The following AKAP10 variants were observed in gnomAD, a reference collection of about 807,000 sequenced individuals.
AKAP10 encodes the protein A-kinase anchor protein 10, mitochondrial.
AKAP10 carries 24 observed loss-of-function variants against 80.8 expected under a neutral mutation model. The ratio of observed to expected loss-of-function variants is 0.30; its 90% confidence interval spans 0.22 to 0.42. AKAP10 has a LOEUF of 0.42. Ranked by LOEUF, AKAP10 falls within the 10% of genes least tolerant of loss-of-function variation. AKAP10 has a pLI of 1.00. For synonymous variants in AKAP10, 291 were observed against 277.7 expected (o/e 1.05, Z -0.48); for missense variants, 661 against 794.9 (o/e 0.83, Z 2.03).
intron 9 of AKAP10, among the ~76,000 whole-genome samples, chr17:19,935,760 C>T (rs547904082): frequency 3.3e-5 from 5 of 152,160 alleles, no homozygotes; most frequent in South Asian, 4.1e-4. Flanking sequence ...GGCAGTAACA[C>T]GCATGGAGCC....
chr17:19,928,101 T>C (rs1486353231), intron 10 of AKAP10, among the ~76,000 whole-genome samples: 1 of 151,730 alleles, frequency 6.6e-6, no homozygotes, highest in African/African-American at 2.4e-5. Flanking sequence ...GTGCCTGAAA[T>C]GTAATCCCAG....
At chr17:19,949,758 G>C (rs1245896802) in intron 4 of AKAP10, among the ~76,000 whole-genome samples, 1 of 135,102 alleles carries the variant, frequency 7.4e-6, no homozygotes, top group African/African-American at 2.8e-5. Flanking sequence ...CAGAAAGAGA[G>C]ACTCTGTCTC....
chr17:19,967,708 C>A (rs1162260241), intron 2 of AKAP10, among the ~76,000 whole-genome samples: 1 of 151,660 alleles, frequency 6.6e-6, no homozygotes, highest in Non-Finnish European at 1.5e-5. Flanking sequence ...CACGGTGAAA[C>A]CCTGTCTCTA....
intron 5 of AKAP10, among the ~76,000 whole-genome samples, chr17:19,946,237 T>TATATTTTATATA (rs1491288818): frequency 1.3e-4 from 2 of 15,184 alleles, no homozygotes; most frequent in Non-Finnish European, 2.0e-4. Context: ...TATATATATA[T>TATATTTTATATA]TATATATATA....
At chr17:19,939,033 C>T (rs1169896736) in intron 8 of AKAP10, among the ~76,000 whole-genome samples, 2 of 152,104 alleles carry the variant, frequency 1.3e-5, no homozygotes, top group East Asian at 1.9e-4. Flanking sequence ...TGCCCGACCA[C>T]GAATTACTTT....
At position 19,936,132 on chromosome 17, in the gene AKAP10, A is replaced by AT. The variant is rs1469032686; in HGVS notation, c.1467+153dup. 7.9e-6 allele frequency: 6 copies of AT among 758,290 alleles called. No individual in the cohort carries two copies. The East Asian group carries it at 1.7e-4, about 21-fold the overall frequency. 47.0% of individuals were successfully genotyped at this position (758,290 alleles called of 1,614,324 possible). On this transcript the variant is annotated intron_variant, in intron 9 of 14. Transcript: ENST00000225737. ...AATGTTATGTGGCACGTGACTGTAC[A>AT]TACCAGGCCAGACTCAAGGCCTCTG...
intron 9 of AKAP10, among the ~76,000 whole-genome samples, chr17:19,934,684 C>T (rs1022304623): frequency 6.6e-6 from 1 of 152,116 alleles, no homozygotes; most frequent in Non-Finnish European, 1.5e-5. Context: ...TGCATATTAT[C>T]GTCACTTTAC....
intron 11 of AKAP10, among the ~76,000 whole-genome samples, chr17:19,923,118 C>T (rs752566060): frequency 3.3e-5 from 5 of 152,076 alleles, no homozygotes; most frequent in African/African-American, 7.2e-5. Context: ...TACTCTGTCG[C>T]GCAGGCTGCA....
intron 10 of AKAP10, among the ~76,000 whole-genome samples, chr17:19,931,111 T>C (rs1449792999): frequency 6.6e-6 from 1 of 151,960 alleles, no homozygotes; most frequent in Non-Finnish European, 1.5e-5. Flanking sequence ...AATTTCCAGG[T>C]TGCAGCGAGG....
intron 1 of AKAP10, 43 bp downstream of exon 1, chr17:19,977,549 C>G (rs2043586650): frequency 8.2e-7 from 1 of 1,225,782 alleles, no homozygotes; most frequent in Non-Finnish European, 1.0e-6. Flanking sequence ...CACCGCCGCC[C>G]CTGAGGCCCG....
intron 11 of AKAP10, among the ~76,000 whole-genome samples, chr17:19,924,129 G>GA (rs1278525214): frequency 6.6e-6 from 1 of 152,132 alleles, no homozygotes; most frequent in East Asian, 1.9e-4. Context: ...CAGAGTAAAT[G>GA]ATGTTGGCAT....
rs1380168956 is a variant in AKAP10 at position 19,917,711 on chromosome 17, G to C, written c.1834+2325C>G. 2.6e-5 allele frequency among the ~76,000 whole-genome samples: 4 copies of C among 152,012 alleles called. No individual in the cohort carries two copies. In the East Asian group the frequency reaches 7.7e-4, roughly 29 times the overall value. ...GTACTTTGGGAGGCCAAGGTGGGCG[G>C]ATCACTTGAGGCCAGCATGGTCAAC... On this transcript the variant is annotated intron_variant, in intron 12 of 14. Transcript: ENST00000225737.
At chr17:19,921,108 A>T (rs1483737842) in intron 11 of AKAP10, among the ~76,000 whole-genome samples, 1 of 151,962 alleles carries the variant, frequency 6.6e-6, no homozygotes, top group Non-Finnish European at 1.5e-5. Flanking sequence ...CAAGAGACAT[A>T]CCAAAAGAAA....
intron 11 of AKAP10, 99 bp from the exon 12 acceptor site, chr17:19,920,217 C>G: frequency 1.2e-6 from 1 of 861,126 alleles, no homozygotes; most frequent in Non-Finnish European, 1.8e-6. Flanking sequence ...TCTAGAAAGC[C>G]AGAAACACAA....
At chr17:19,937,853 T>C (rs1297019169) in intron 8 of AKAP10, among the ~76,000 whole-genome samples, 4 of 152,112 alleles carry the variant, frequency 2.6e-5, no homozygotes, top group Non-Finnish European at 5.9e-5. Flanking sequence ...ATAGGAAAAT[T>C]AGACTACATC....
intron 14 of AKAP10, among the ~76,000 whole-genome samples, chr17:19,907,099 C>T (rs1387112019): frequency 6.6e-6 from 1 of 151,772 alleles, no homozygotes; most frequent in Non-Finnish European, 1.5e-5. Flanking sequence ...CTCACCGCAA[C>T]CTCTGCCTCC....
Position 19,906,234 on chromosome 17 carries a change from T to C in AKAP10, c.1984-2A>G. 4.4e-6 allele frequency: 7 copies of C among 1,606,030 alleles called. No individual in the cohort carries two copies. Among genetic ancestry groups the C allele is most frequent in the Non-Finnish European group, 5.9e-6 (7 of 1,177,756 alleles). On this transcript the variant is annotated splice_acceptor_variant, in intron 14 of 14. Coordinates refer to ENST00000225737, the MANE Select transcript of AKAP10 (RefSeq NM_007202.4). LOFTEE classifies it high-confidence loss of function. ...TTTATCTCAAGTTTTGAGTCATAAC[T>C]GAAAAAAGAAAAGAAAAGAAAATGG...
At chr17:19,972,982 C>T (rs1215615046) in intron 1 of AKAP10, among the ~76,000 whole-genome samples, 1 of 151,772 alleles carries the variant, frequency 6.6e-6, no homozygotes, top group Non-Finnish European at 1.5e-5. Flanking sequence ...AAATACAACC[C>T]ACTACCTTTT....
At chr17:19,935,317 T>C (rs1390209184) in intron 9 of AKAP10, among the ~76,000 whole-genome samples, 2 of 152,186 alleles carry the variant, frequency 1.3e-5, no homozygotes, top group Admixed American at 6.5e-5. Context: ...TTACCATGAA[T>C]GGAGCTTGCA....
Sources: gnomAD v4.1 joint callset for allele counts (sites outside exome capture counted in the v4.1 genomes callset) on GRCh38, gnomAD v4.1.1 for gene constraint, MANE v1.5 for transcripts, NCBI Gene and HGNC (gene_info 2026-07-23, HGNC 2026-07-21) for gene names.